The following WRNIP1 variants were observed in gnomAD, a reference collection of about 807,000 sequenced individuals.
WRNIP1 encodes WRN helicase interacting protein 1, also known as ATPase WRNIP1.
A neutral mutation model predicts 56.1 loss-of-function variants in WRNIP1; 41 were observed. That is an observed-to-expected ratio of 0.73 (90% CI 0.57 to 0.95). WRNIP1 has a LOEUF of 0.95. WRNIP1 is among the 40% of genes least tolerant of loss of function. The pLI is 0.00. For synonymous variants in WRNIP1, 547 were observed against 398.1 expected (o/e 1.37, Z -4.45); for missense variants, 1,170 against 939.4 (o/e 1.25, Z -3.21).
At chr6:2,771,954 A>T (rs1765296413) in intron 3 of WRNIP1, among the ~76,000 whole-genome samples, 1 of 152,170 alleles carries the variant, frequency 6.6e-6, no homozygotes, top group Non-Finnish European at 1.5e-5. Context: ...GGTGATTTTT[A>T]TTGATTTCAT....
chr6:2,779,820 T>C (rs931817370), intron 4 of WRNIP1, among the ~76,000 whole-genome samples: 3 of 152,258 alleles, frequency 2.0e-5, no homozygotes, highest in African/African-American at 7.2e-5. Context: ...GTGCATTCAC[T>C]TGACAATGAA....
intron 3 of WRNIP1, 67 bp from the exon 4 acceptor site, chr6:2,779,196 A>G: frequency 1.3e-6 from 2 of 1,518,736 alleles, no homozygotes; most frequent in Middle Eastern, 1.7e-4. Context: ...ATGAGTTTCT[A>G]AGACATGTGC....
chr6:2,770,173 C>T lies in WRNIP1; in HGVS notation c.1068C>T (p.Thr356=). The T allele has an allele frequency of 6.2e-7, 1 of 1,614,220 alleles. No homozygotes were observed. Among genetic ancestry groups the T allele is most frequent in the Non-Finnish European group, 8.5e-7 (1 of 1,180,046 alleles). The change falls in exon 3 of 7, where the codon ACC becomes ACT. Residue 356 remains threonine (T), a synonymous_variant. Transcript: ENST00000380773. ...GGACGATCACTCTGATTGGGGCAAC[C>T]ACTGAAAACCCTTCCTTCCAGGTCA... The part of the protein sequence containing the change: ...ECGTITLIGA[T]TENPSFQVNA...
intron 3 of WRNIP1, 60 bp from the exon 4 acceptor site, chr6:2,779,203 G>T: frequency 6.5e-7 from 1 of 1,548,382 alleles, no homozygotes. Flanking sequence ...TCTAAGACAT[G>T]TGCAGAACAA....
At chr6:2,768,667 C>CTCCATGTATG in intron 1 of WRNIP1, 24 bp from the exon 2 acceptor site, 1 of 1,565,682 alleles carries the variant, frequency 6.4e-7, no homozygotes, top group South Asian at 1.2e-5. Context: ...GCTTTTCAAA[C>CTCCATGTATG]TCCATGTATG....
rs75172653 is a variant in WRNIP1, at chr6:2,778,592, A to C, written c.1257-671A>C. ...AGTCTTCTCGTCGCTTCCCAGGCTA[A>C]TGACCTCTCTGCTACCCTGTGCGGA... On this transcript the variant is annotated intron_variant, in intron 3 of 6. Coordinates refer to ENST00000380773, the MANE Select transcript of WRNIP1 (RefSeq NM_020135.3). Among the ~76,000 whole-genome samples, 1,475 of 152,296 alleles carry C rather than the reference A, an allele frequency of 9.7e-3. 11 individuals are homozygous for C. The highest frequency in any genetic ancestry group is 0.02 in the South Asian group (97 of 4,828).
chr6:2,765,612 C>T lies in WRNIP1; in HGVS notation c.-11C>T, dbSNP rs768830658. On this transcript the variant is annotated 5_prime_UTR_variant, in exon 1 of 7. Transcript: ENST00000380773. ...CGGCCGCGCCGGGCGCCGGGGAGGG[C>T]GGCGGCCGCCATGGAGGTGAGCGGG... 15 of 1,507,190 alleles carry T rather than the reference C, an allele frequency of 1.0e-5. No individual in the cohort carries two copies. The South Asian group carries it at 1.3e-4, about 13-fold the overall frequency. The allele number at this position is 1,507,190 out of a possible 1,614,324, so 93.4% of individuals were successfully genotyped here. A position where few individuals can be genotyped will look rare whatever the true frequency, so the allele number is the denominator to read the frequency against.
chr6:2,770,559 A>AT (rs1765238765), intron 3 of WRNIP1, among the ~76,000 whole-genome samples, 198 bp downstream of exon 3: 3 of 152,180 alleles, frequency 2.0e-5, no homozygotes, highest in Admixed American at 6.5e-5. Flanking sequence ...TTGAAGATGC[A>AT]TTTTCCAGCC....
At position 2,786,739 on chromosome 6, in the gene WRNIP1, AG is replaced by A. The variant is rs1765723793; in HGVS notation, c.*1459del. On this transcript the variant is annotated 3_prime_UTR_variant, in exon 7 of 7. Coordinates refer to ENST00000380773, the MANE Select transcript of WRNIP1 (RefSeq NM_020135.3). ...TTTCCCACATTGTTGTCAAGTTTGA[AG>A]GCATCCTGATGTGTGTGGTCTTTTG... The A allele has an allele frequency of 6.6e-6, 1 of 152,192 alleles. No individual in the cohort carries two copies. Among genetic ancestry groups the A allele is most frequent in the Non-Finnish European group, 1.5e-5 (1 of 68,048 alleles). The allele number at this position is 152,192 out of a possible 1,614,324, so 9.4% of individuals were successfully genotyped here. A position where few individuals can be genotyped will look rare whatever the true frequency, so the allele number is the denominator to read the frequency against.
chr6:2,782,275 C>G (rs1171244187), intron 4 of WRNIP1, among the ~76,000 whole-genome samples: 2 of 152,232 alleles, frequency 1.3e-5, no homozygotes, highest in Non-Finnish European at 2.9e-5. Context: ...ACCAGGGGAG[C>G]CCTGCACAGG....
chr6:2,770,178 A>C lies in WRNIP1; in HGVS notation c.1073A>C (p.Glu358Ala). 1 of 1,614,246 alleles carries C rather than the reference A, an allele frequency of 6.2e-7. No homozygotes were observed. Among genetic ancestry groups the C allele is most frequent in the Non-Finnish European group, 8.5e-7 (1 of 1,180,050 alleles). The part of the protein sequence containing the change: ...GTITLIGATT[E>A]NPSFQVNAAL... The stretch of plus-strand genomic sequence containing the variant: ...ATCACTCTGATTGGGGCAACCACTG[A>C]AAACCCTTCCTTCCAGGTCAACGCT... The change falls in exon 3 of 7, where the codon GAA becomes GCA. Residue 358 changes from glutamate to alanine, a missense_variant. Transcript: ENST00000380773.
rs547099293 is a variant in WRNIP1 at position 2,769,006 on chromosome 6, C to T, written c.1014+124C>T. ...TTACAAAGAAGCGTAGGCTTGTGAA[C>T]CCATCTCCTTCAAGCCTATTTCTCC... is the stretch of plus-strand genomic sequence containing the variant. On this transcript the variant is annotated intron_variant, in intron 2 of 6. Coordinates refer to ENST00000380773, the MANE Select transcript of WRNIP1 (RefSeq NM_020135.3). 1.1e-5 allele frequency: 10 copies of T among 915,648 alleles called. No individual in the cohort carries two copies. In the East Asian group the frequency reaches 2.5e-4, roughly 23 times the overall value. 56.7% of individuals were successfully genotyped at this position (915,648 alleles called of 1,614,324 possible). A position where few individuals can be genotyped will look rare whatever the true frequency, so the allele number is the denominator to read the frequency against.
intron 3 of WRNIP1, among the ~76,000 whole-genome samples, chr6:2,772,655 T>C (rs1044514170): frequency 2.6e-5 from 4 of 152,224 alleles, no homozygotes; most frequent in Non-Finnish European, 4.4e-5. Flanking sequence ...CATTAATTGG[T>C]CAACTTGTTA....
chr6:2,766,062 C>G lies in WRNIP1; in HGVS notation c.440C>G (p.Ala147Gly). The change falls in exon 1 of 7, where the codon GCC (alanine) becomes GGC (glycine). Residue 147 changes from alanine (A) to glycine (G), a missense_variant. By Grantham distance (60) the Ala-to-Gly change is moderately conservative (BLOSUM62 0). Coordinates refer to ENST00000380773, the MANE Select transcript of WRNIP1 (RefSeq NM_020135.3). ...KGSGKRPAAAAAAGSASPRSW... is the reference protein window; with the variant it reads ...KGSGKRPAAAGAAGSASPRSW... ...TCGGGGAAGAGGCCGGCGGCCGCCG[C>G]CGCGGCGGGGAGCGCGTCTCCGCGC... The G allele has an allele frequency of 7.7e-7, 1 of 1,294,544 alleles. No homozygotes were observed. The highest frequency in any genetic ancestry group is 3.1e-5 in the East Asian group (1 of 31,938). 80.2% of individuals were successfully genotyped at this position (1,294,544 alleles called of 1,614,324 possible). A position where few individuals can be genotyped will look rare whatever the true frequency, so the allele number is the denominator to read the frequency against.
chr6:2,779,486 C>G lies in WRNIP1; in HGVS notation c.1480C>G (p.Arg494Gly), dbSNP rs568029586. The G allele has an allele frequency of 6.8e-6, 11 of 1,612,912 alleles. No individual in the cohort carries two copies. In the African/African-American group the frequency reaches 1.2e-4, roughly 18 times the overall value. ...ACAGCGATCCCACATTTTATATGAC[C>G]GGGCAGGTAAGTAATTCACCTGTGG... ...GLQRSHILYD[R>G]AGEEHYNCIS... The change falls in exon 4 of 7, where the codon CGG becomes GGG. Residue 494 changes from arginine to glycine, a missense_variant. Arg to Gly is a moderately radical substitution (Grantham distance 125, BLOSUM62 -2). Coordinates refer to ENST00000380773, the MANE Select transcript of WRNIP1 (RefSeq NM_020135.3).
intron 2 of WRNIP1, among the ~76,000 whole-genome samples, chr6:2,769,116 G>A (rs1005453351): frequency 3.3e-5 from 5 of 152,088 alleles, no homozygotes; most frequent in Non-Finnish European, 5.9e-5. Context: ...TGAGCTATAC[G>A]TATCAGAAAA....
In WRNIP1 at chr6:2,770,162, A is replaced by G. The variant is rs1247459314; in HGVS notation, c.1057A>G (p.Ile353Val). 1 of 1,614,026 alleles carries G rather than the reference A, an allele frequency of 6.2e-7. No homozygotes were observed. Among genetic ancestry groups the G allele is most frequent in the Non-Finnish European group, 8.5e-7 (1 of 1,180,044 alleles). The change falls in exon 3 of 7, where the codon ATT (isoleucine) becomes GTT (valine). Residue 353 changes from isoleucine to valine, a missense_variant. Transcript: ENST00000380773. The stretch of plus-strand genomic sequence containing the variant: ...CGTGGAATGTGGGACGATCACTCTG[A>G]TTGGGGCAACCACTGAAAACCCTTC... ...PHVECGTITLIGATTENPSFQ... is the reference protein window; with the variant it reads ...PHVECGTITLVGATTENPSFQ...
At chr6:2,783,287 C>G in intron 4 of WRNIP1, 119 bp from the exon 5 acceptor site, 1 of 1,177,522 alleles carries the variant, frequency 8.5e-7, no homozygotes. Context: ...CAAACCTCTC[C>G]TCGGCTTTCT....
At chr6:2,773,722 A>G (rs780941476) in intron 3 of WRNIP1, 2 of 984,038 alleles carry the variant, frequency 2.0e-6, no homozygotes, top group Non-Finnish European at 2.4e-6. Context: ...CTTTGAAGGA[A>G]TATAGATTCC....
Sources: gnomAD v4.1 joint callset for allele counts (sites outside exome capture counted in the v4.1 genomes callset) on GRCh38, gnomAD v4.1.1 for gene constraint, MANE v1.5 for transcripts, NCBI Gene and HGNC (gene_info 2026-07-23, HGNC 2026-07-21) for gene names.